CCDC178: variants seen among roughly 807,000 people sequenced by gnomAD.
CCDC178 encodes coiled-coil domain containing 178, also known as coiled-coil domain-containing protein 178.
CCDC178 carries 126 observed loss-of-function variants against 117.4 expected under a neutral mutation model. That is an observed-to-expected ratio of 1.07 (90% CI 0.93 to 1.24). CCDC178 has a LOEUF of 1.24. CCDC178 is among the 50% of genes most tolerant of loss of function. The probability of loss-of-function intolerance (pLI) is 0.00; values close to 1 mark genes in which losing one functional copy is unlikely to be tolerated. For synonymous variants in CCDC178, 283 were observed against 313.4 expected (o/e 0.90, Z 1.02); for missense variants, 1,030 against 986.9 (o/e 1.04, Z -0.59).
chr18:33,091,983 G>A (rs1202177291), intron 21 of CCDC178, among the ~76,000 whole-genome samples: 1 of 152,072 alleles, frequency 6.6e-6, no homozygotes, highest in African/African-American at 2.4e-5. Context: ...GTATAGCACT[G>A]CTATTCTAAA....
intron 21 of CCDC178, among the ~76,000 whole-genome samples, chr18:33,077,140 CT>C (rs2057222793): frequency 6.6e-6 from 1 of 152,066 alleles, no homozygotes; most frequent in Non-Finnish European, 1.5e-5. Context: ...AATTGAAATA[CT>C]TTTGCATTTA....
chr18:33,429,978 A>T (rs1729070268), intron 2 of CCDC178, among the ~76,000 whole-genome samples: 1 of 152,206 alleles, frequency 6.6e-6, no homozygotes, highest in South Asian at 2.1e-4. Flanking sequence ...TTTGTTTTCA[A>T]TGCAAGTTTA....
intron 21 of CCDC178, among the ~76,000 whole-genome samples, chr18:32,981,101 G>C (rs983157199): frequency 6.6e-6 from 1 of 152,104 alleles, no homozygotes; most frequent in South Asian, 2.1e-4. Flanking sequence ...CCAGCACTTT[G>C]GGAGGCCAAG....
chr18:33,016,630 G>A (rs994415773), intron 21 of CCDC178, among the ~76,000 whole-genome samples: 10 of 151,918 alleles, frequency 6.6e-5, no homozygotes, highest in Admixed American at 4.6e-4. Flanking sequence ...AAAAAAGGGA[G>A]GGGGATCAGA....
chr18:33,060,177 T>C (rs2144958250), intron 21 of CCDC178, among the ~76,000 whole-genome samples: 1 of 152,268 alleles, frequency 6.6e-6, no homozygotes, highest in South Asian at 2.1e-4. Flanking sequence ...TCTTAAGGTA[T>C]TATTTATGAA....
At chr18:33,115,806 G>A (rs1223621002) in intron 20 of CCDC178, among the ~76,000 whole-genome samples, 1 of 151,932 alleles carries the variant, frequency 6.6e-6, no homozygotes, top group Non-Finnish European at 1.5e-5. Context: ...TTCTGCCTCA[G>A]TCCAGGTCCA....
At chr18:33,196,553 A>G (rs2058932330) in intron 20 of CCDC178, among the ~76,000 whole-genome samples, 1 of 152,142 alleles carries the variant, frequency 6.6e-6, no homozygotes, top group African/African-American at 2.4e-5. Flanking sequence ...ATTTGTAGCC[A>G]ACTGGTGTCT....
intron 21 of CCDC178, among the ~76,000 whole-genome samples, chr18:33,067,047 T>TAC (rs1251714884): frequency 1.3e-5 from 2 of 152,236 alleles, no homozygotes. Flanking sequence ...AGCAGCAGAA[T>TAC]ACACATTCTT....
intron 21 of CCDC178, among the ~76,000 whole-genome samples, chr18:33,063,188 G>C (rs541981236): frequency 6.6e-6 from 1 of 152,266 alleles, no homozygotes; most frequent in Admixed American, 6.5e-5. Context: ...GGTGGGGCTA[G>C]GGATTGACCT....
intron 22 of CCDC178, among the ~76,000 whole-genome samples, chr18:32,955,501 T>C (rs1235884808): frequency 1.3e-5 from 2 of 152,188 alleles, no homozygotes; most frequent in African/African-American, 4.8e-5. Flanking sequence ...TTTTCTATCA[T>C]AGACTAGAAT....
At chr18:33,419,815 C>T (rs534073813) in intron 2 of CCDC178, among the ~76,000 whole-genome samples, 116 of 151,918 alleles carry the variant, frequency 7.6e-4, no homozygotes, top group African/African-American at 2.7e-3. Flanking sequence ...GAAAAGGAAA[C>T]GCTTATGCAT....
intron 20 of CCDC178, among the ~76,000 whole-genome samples, chr18:33,190,193 C>T (rs1056623728): frequency 2.0e-5 from 3 of 152,184 alleles, no homozygotes; most frequent in African/African-American, 7.2e-5. Flanking sequence ...GACTTCTCCC[C>T]TATTCTAGTG....
At chr18:33,373,301 T>G (rs1219266975) in intron 5 of CCDC178, among the ~76,000 whole-genome samples, 1 of 152,160 alleles carries the variant, frequency 6.6e-6, no homozygotes, top group Non-Finnish European at 1.5e-5. Flanking sequence ...TTAGTCAATG[T>G]GCAATGCCGC....
chr18:33,086,835 C>A lies in CCDC178; in HGVS notation c.2388+5926G>T, dbSNP rs77056532. 8.3e-3 allele frequency among the ~76,000 whole-genome samples: 1,264 copies of A among 151,980 alleles called. 17 individuals are homozygous for A. The highest frequency in any genetic ancestry group is 0.029 in the African/African-American group (1,182 of 41,450). On this transcript the variant is annotated intron_variant, in intron 21 of 22. Transcript: ENST00000383096. ...TGTGTGTGAAGGGGAGAGGGACTGT[C>A]CTGTGCATTGTAGGATGATTAGCAA...
intron 2 of CCDC178, among the ~76,000 whole-genome samples, chr18:33,432,742 A>AAATATTTTTTTT (rs1251303487): frequency 8.5e-5 from 13 of 152,160 alleles, no homozygotes; most frequent in African/African-American, 1.2e-4. Flanking sequence ...TAAACGTCAG[A>AAATATTTTTTTT]AATATTTTTT....
chr18:32,983,265 A>C (rs541374875), intron 21 of CCDC178: 4 of 1,443,514 alleles, frequency 2.8e-6, no homozygotes, highest in Middle Eastern at 1.7e-4. Context: ...TGCATGGATT[A>C]ATTCATCACA....
intron 20 of CCDC178, among the ~76,000 whole-genome samples, chr18:33,156,002 TA>T (rs200372884): frequency 1.6e-3 from 208 of 129,678 alleles, no homozygotes; most frequent in Non-Finnish European, 1.6e-3. Flanking sequence ...AAATCTTTAG[TA>T]AAAAAAAAAA....
intron 19 of CCDC178, among the ~76,000 whole-genome samples, chr18:33,212,308 G>C (rs977252091): frequency 2.6e-5 from 4 of 151,888 alleles, no homozygotes; most frequent in African/African-American, 9.7e-5. Flanking sequence ...TTGTTCTCTA[G>C]GCATTTCAAG....
At chr18:33,349,080 TAC>T in intron 7 of CCDC178, 105 bp from the exon 8 acceptor site, 1 of 648,540 alleles carries the variant, frequency 1.5e-6, no homozygotes, top group Non-Finnish European at 2.6e-6. Context: ...TGGTGAAACT[TAC>T]TATACAAGAT....
Sources: gnomAD v4.1 joint callset for allele counts (sites outside exome capture counted in the v4.1 genomes callset) on GRCh38, gnomAD v4.1.1 for gene constraint, MANE v1.5 for transcripts, NCBI Gene and HGNC (gene_info 2026-07-23, HGNC 2026-07-21) for gene names.